Variants in PAFAH2 observed in about 807,000 individuals in gnomAD.
The protein encoded by PAFAH2 is platelet activating factor acetylhydrolase 2.
PAFAH2 carries 42 observed loss-of-function variants against 49.0 expected under a neutral mutation model. That is an observed-to-expected ratio of 0.86 (90% CI 0.67 to 1.11). The LOEUF is 1.11. Among genes scored for constraint, PAFAH2 ranks in the 50% least tolerant of loss-of-function variants. PAFAH2 has a pLI of 0.00. For synonymous variants in PAFAH2, 184 were observed against 181.3 expected (o/e 1.01, Z -0.12); for missense variants, 503 against 501.8 (o/e 1.00, Z -0.02).
At position 25,974,637 on chromosome 1, in the gene PAFAH2, G is replaced by A; in HGVS notation, c.772C>T (p.Leu258=). The part of the protein sequence containing the change: ...KETQFRCAVA[L]DAWMFPLERD... The stretch of plus-strand genomic sequence containing the variant: ...TCCAGAGGAAACATCCAAGCATCCA[G>A]AGCCACCGCACACCTGGAATAGGAC... The change falls in exon 9 of 11, where the codon CTG becomes TTG. Residue 258 remains leucine, a synonymous_variant. Coordinates refer to ENST00000374282, the MANE Select transcript of PAFAH2 (RefSeq NM_000437.4). The A allele has an allele frequency of 1.2e-6, 2 of 1,613,654 alleles. No individual in the cohort carries two copies. Among genetic ancestry groups the A allele is most frequent in the Non-Finnish European group, 1.7e-6 (2 of 1,179,760 alleles).
chr1:25,982,253 T>C (rs1324841672), intron 7 of PAFAH2, 111 bp downstream of exon 7: 2 of 771,408 alleles, frequency 2.6e-6, no homozygotes, highest in Admixed American at 2.1e-5. Context: ...TTGATAGTTA[T>C]ATGAGCCAAT....
At chr1:25,977,086 G>A (rs2782821) in intron 7 of PAFAH2, among the ~76,000 whole-genome samples, 8 of 139,872 alleles carry the variant, frequency 5.7e-5, no homozygotes, top group South Asian at 2.4e-4. Flanking sequence ...GCAGTGGCGC[G>A]ATCTCGGCTC....
chr1:25,974,477 C>A lies in PAFAH2; in HGVS notation c.929+3G>T. On this transcript the variant is annotated splice_donor_region_variant and intron_variant, in intron 9 of 10. Transcript: ENST00000374282. ...TGGGATCACGACCTTGTGGTTTACTCACAGAACGGTTATGATCCTAGACTG... is the reference window on the plus strand; with the variant it reads ...TGGGATCACGACCTTGTGGTTTACTAACAGAACGGTTATGATCCTAGACTG... 1.3e-6 allele frequency: 2 copies of A among 1,596,930 alleles called. No homozygotes were observed. The highest frequency in any genetic ancestry group is 1.7e-6 in the Non-Finnish European group (2 of 1,170,760).
chr1:25,988,927 T>A (rs1213880035), intron 3 of PAFAH2, among the ~76,000 whole-genome samples: 1 of 150,340 alleles, frequency 6.7e-6, no homozygotes, highest in East Asian at 2.0e-4. Context: ...TTCCTAGGTG[T>A]GGGACCTTTG....
intron 3 of PAFAH2, 117 bp from the exon 4 acceptor site, chr1:25,988,444 G>A (rs897859612): frequency 7.2e-5 from 52 of 723,674 alleles, no homozygotes; most frequent in Middle Eastern, 3.2e-4. Context: ...AACCACCATC[G>A]GCCCCTGAGC....
intron 10 of PAFAH2, among the ~76,000 whole-genome samples, chr1:25,971,573 G>A (rs1037895071): frequency 3.4e-4 from 52 of 152,278 alleles, no homozygotes; most frequent in African/African-American, 1.3e-3. Flanking sequence ...GTGAGAGGAA[G>A]ACACAGAGAG....
chr1:25,983,875 G>C, intron 6 of PAFAH2, 71 bp downstream of exon 6: 1 of 1,528,688 alleles, frequency 6.5e-7, no homozygotes, highest in Non-Finnish European at 9.0e-7. Flanking sequence ...TTAACTAAAA[G>C]TCTTGCTATC....
chr1:25,968,679 T>C (rs1356625484), intron 10 of PAFAH2, among the ~76,000 whole-genome samples: 6 of 152,174 alleles, frequency 3.9e-5, no homozygotes, highest in Non-Finnish European at 5.9e-5. Flanking sequence ...GTGTGCCTAC[T>C]AAAAGCTTTT....
chr1:25,990,753 C>A lies in PAFAH2; in HGVS notation c.64G>T (p.Asp22Tyr). 6.2e-7 allele frequency: 1 copy of A among 1,613,978 alleles called. No homozygotes were observed. Among genetic ancestry groups the A allele is most frequent in the Non-Finnish European group, 8.5e-7 (1 of 1,179,908 alleles). The change falls in exon 2 of 11, where the codon GAT (aspartate) becomes TAT (tyrosine). Residue 22 changes from aspartate to tyrosine, a missense_variant. By Grantham distance (160) the Asp-to-Tyr change is radical. Transcript: ENST00000374282. ...VTGPHLVGCG[D>Y]VMEGQNLQGS... ...TGGAGATTCTGACCCTCCATCACAT[C>A]CCCACAGCCTACGAGGTGGGGTCCT...
chr1:25,972,424 T>C, intron 10 of PAFAH2, 134 bp downstream of exon 10: 1 of 967,038 alleles, frequency 1.0e-6, no homozygotes, highest in South Asian at 1.7e-5. Flanking sequence ...TCTATGTAAG[T>C]CTCTCCTTCA....
chr1:25,989,927 G>C (rs2049849187), intron 2 of PAFAH2, among the ~76,000 whole-genome samples: 1 of 152,158 alleles, frequency 6.6e-6, no homozygotes, highest in Non-Finnish European at 1.5e-5. Flanking sequence ...GGAGCCCCAG[G>C]AGTTAGAGAT....
At chr1:25,982,675 C>T (rs1416543389) in intron 6 of PAFAH2, among the ~76,000 whole-genome samples, 198 bp from the exon 7 acceptor site, 1 of 152,236 alleles carries the variant, frequency 6.6e-6, no homozygotes. Context: ...AGAACAGACT[C>T]AGCCCTGTTG....
intron 9 of PAFAH2, 125 bp from the exon 10 acceptor site, chr1:25,972,837 T>A: frequency 1.1e-6 from 1 of 939,302 alleles, no homozygotes; most frequent in South Asian, 1.6e-5. Flanking sequence ...AGCAACCTTG[T>A]AAGGGAAGTA....
chr1:25,961,704 C>A lies in PAFAH2; in HGVS notation c.*285G>T. The A allele has an allele frequency of 3.3e-6, 1 of 299,296 alleles. No homozygotes were observed. The highest frequency in any genetic ancestry group is 6.2e-6 in the Non-Finnish European group (1 of 161,360). 18.5% of individuals were successfully genotyped at this position (299,296 alleles called of 1,614,324 possible). A position where few individuals can be genotyped will look rare whatever the true frequency, so the allele number is the denominator to read the frequency against. ...CACATCCAGGCCTCACAGTGCTCAG[C>A]CCGGGGCCTGGGTCTCCCCCAGTCC... On this transcript the variant is annotated 3_prime_UTR_variant, in exon 11 of 11. Transcript: ENST00000374282.
At position 25,962,092 on chromosome 1, in the gene PAFAH2, G is replaced by GA. The variant is rs746640904; in HGVS notation, c.1085-10dup. 7.5e-5 allele frequency: 119 copies of GA among 1,596,314 alleles called. No homozygotes were observed. The highest frequency in any genetic ancestry group is 5.0e-4 in the Middle Eastern group (3 of 6,018). On this transcript the variant is annotated splice_polypyrimidine_tract_variant and intron_variant, in intron 10 of 10. Transcript: ENST00000374282. ...ATAGTCTTCTTTCAGGTCTGAAAAG[G>GA]AAAAAAACAGGAACATTAGGCAAAT... is the stretch of plus-strand genomic sequence containing the variant.
In PAFAH2 at chr1:25,984,538, C is replaced by G; in HGVS notation, c.342-10G>C. 5.0e-6 allele frequency: 8 copies of G among 1,611,078 alleles called. No individual in the cohort carries two copies. Among genetic ancestry groups the G allele is most frequent in the Non-Finnish European group, 6.8e-6 (8 of 1,177,544 alleles). On this transcript the variant is annotated splice_polypyrimidine_tract_variant and intron_variant, in intron 4 of 10. Transcript: ENST00000374282. ...GGCTGAATACAAAGTCCTGGAGATTCAAAAAGGAACAAGGAAAAGGGATCA... is the reference window on the plus strand; with the variant it reads ...GGCTGAATACAAAGTCCTGGAGATTGAAAAAGGAACAAGGAAAAGGGATCA...
intron 10 of PAFAH2, among the ~76,000 whole-genome samples, chr1:25,963,407 G>A (rs1011812213): frequency 2.0e-5 from 3 of 152,176 alleles, no homozygotes; most frequent in Non-Finnish European, 4.4e-5. Flanking sequence ...GTGAAAAGGG[G>A]AGAGGTGCCA....
intron 10 of PAFAH2, among the ~76,000 whole-genome samples, chr1:25,965,885 A>C (rs996907495): frequency 3.3e-5 from 5 of 151,342 alleles, no homozygotes; most frequent in African/African-American, 9.7e-5. Flanking sequence ...AGAAAAAAAA[A>C]AACACATAAT....
intron 10 of PAFAH2, among the ~76,000 whole-genome samples, chr1:25,966,771 C>T (rs997075742): frequency 5.3e-5 from 8 of 152,088 alleles, no homozygotes; most frequent in African/African-American, 1.7e-4. Flanking sequence ...TACATCTATA[C>T]AAATAAACCC....
Sources: allele counts gnomAD v4.1 joint callset (sites outside exome capture counted in the v4.1 genomes callset), GRCh38; gene constraint gnomAD v4.1.1; transcripts MANE v1.5; gene names NCBI Gene and HGNC (gene_info 2026-07-23, HGNC 2026-07-21).